ANKRD30B: variants seen among roughly 807,000 people sequenced by gnomAD.
ANKRD30B encodes ankyrin repeat domain-containing protein 30B.
A neutral mutation model predicts 202.2 loss-of-function variants in ANKRD30B; 144 were observed. The observed-to-expected ratio is 0.71, with a 90% CI of 0.62 to 0.82. ANKRD30B has a LOEUF of 0.82. Ranked by LOEUF, ANKRD30B falls within the 40% of genes least tolerant of loss-of-function variation. The pLI is 0.00. For synonymous variants in ANKRD30B, 508 were observed against 561.3 expected (o/e 0.91, Z 1.34); for missense variants, 1,487 against 1,669.1 (o/e 0.89, Z 1.90).
chr18:14,808,359 T>G (rs757034231), intron 24 of ANKRD30B, 192 bp from the exon 25 acceptor site: 1 of 636,368 alleles, frequency 1.6e-6, no homozygotes, highest in Admixed American at 2.2e-5. Flanking sequence ...ATTTATTTTT[T>G]AAATTTTCTT....
At chr18:14,837,098 TTTG>T (rs1018782356) in intron 34 of ANKRD30B, 110 bp from the exon 35 acceptor site, 91 of 655,836 alleles carry the variant, frequency 1.4e-4, no homozygotes, top group Middle Eastern at 2.7e-4. Context: ...AAGTATGTTT[TTTG>T]TTGTTGTTGT....
chr18:14,777,490 G>C (rs766545865), intron 9 of ANKRD30B, among the ~76,000 whole-genome samples: 1 of 151,504 alleles, frequency 6.6e-6, no homozygotes, highest in African/African-American at 2.4e-5. Flanking sequence ...TAGAGACGGG[G>C]TTTCACCAAG....
chr18:14,924,590 G>A, the ANKRD30B span, among the ~76,000 whole-genome samples: 7 of 152,342 alleles, frequency 4.6e-5, no homozygotes, highest in East Asian at 1.9e-4. Context: ...CAGCAGAGCC[G>A]GGGAGCACAC....
chr18:14,778,181 A>C, intron 10 of ANKRD30B, 106 bp downstream of exon 10: 1 of 718,474 alleles, frequency 1.4e-6, no homozygotes, highest in Non-Finnish European at 2.4e-6. Context: ...TTAAATGCAT[A>C]ACACGGAAGA....
chr18:14,820,224 C>T (rs1191875705), intron 30 of ANKRD30B, among the ~76,000 whole-genome samples: 1 of 152,280 alleles, frequency 6.6e-6, no homozygotes, highest in African/African-American at 2.4e-5. Flanking sequence ...TATCCTGAGA[C>T]TTTGCTGAAT....
the ANKRD30B span, among the ~76,000 whole-genome samples, chr18:14,932,211 G>T: frequency 6.6e-6 from 1 of 151,694 alleles, no homozygotes; most frequent in Admixed American, 6.6e-5. Flanking sequence ...GAGGTGGGGT[G>T]GGGGGCTCCT....
chr18:14,785,423 A>T (rs1483555525), intron 14 of ANKRD30B, among the ~76,000 whole-genome samples: 1 of 152,254 alleles, frequency 6.6e-6, no homozygotes, highest in African/African-American at 2.4e-5. Context: ...TGACAGTAGC[A>T]TAGTTAATTG....
chr18:14,796,811 G>A (rs2143969226), intron 18 of ANKRD30B, among the ~76,000 whole-genome samples: 1 of 151,220 alleles, frequency 6.6e-6, no homozygotes, highest in Non-Finnish European at 1.5e-5. Context: ...TAAGTTTAGT[G>A]AGGGTGGGGG....
chr18:14,820,457 G>T (rs965679087), intron 30 of ANKRD30B, among the ~76,000 whole-genome samples: 1 of 152,268 alleles, frequency 6.6e-6, no homozygotes, highest in Non-Finnish European at 1.5e-5. Flanking sequence ...CAAAGGGAAT[G>T]CTTCCAGTTT....
chr18:14,906,943 TA>T, the ANKRD30B span, among the ~76,000 whole-genome samples: 6 of 151,990 alleles, frequency 3.9e-5, no homozygotes, highest in Admixed American at 3.9e-4. Context: ...GTCCAGGTTA[TA>T]GGTAGATTCA....
the ANKRD30B span, among the ~76,000 whole-genome samples, chr18:14,920,961 A>G: frequency 6.6e-6 from 1 of 152,274 alleles, no homozygotes; most frequent in Admixed American, 6.5e-5. Flanking sequence ...ATGTTGTGTG[A>G]TTGCTGATTA....
rs959392731 is a variant in ANKRD30B, at chr18:14,854,573, A to G, written c.*415A>G. ...CAATGGACTGCAGAGTGTCATACAT[A>G]GTTTTCAGTAAAATACTGGACAATA... On this transcript the variant is annotated 3_prime_UTR_variant, in exon 44 of 44. Transcript: ENST00000690538. 6.6e-5 allele frequency among the ~76,000 whole-genome samples: 10 copies of G among 152,312 alleles called. No individual in the cohort carries two copies. Among genetic ancestry groups the G allele is most frequent in the Admixed American group, 6.5e-4 (10 of 15,302 alleles).
chr18:14,749,016 G>C (rs1185088919), intron 1 of ANKRD30B, among the ~76,000 whole-genome samples: 1 of 152,216 alleles, frequency 6.6e-6, no homozygotes, highest in Admixed American at 6.5e-5. Flanking sequence ...GATAATGTTA[G>C]ATACACTATG....
At chr18:14,808,231 T>C (rs1969650447) in intron 24 of ANKRD30B, 2 of 348,652 alleles carry the variant, frequency 5.7e-6, no homozygotes, top group South Asian at 5.0e-5. Flanking sequence ...TCTTAATAAA[T>C]TCAACTTCTT....
the ANKRD30B span, among the ~76,000 whole-genome samples, chr18:14,900,368 C>T: frequency 7.9e-5 from 12 of 152,240 alleles, no homozygotes; most frequent in South Asian, 2.5e-3. Context: ...TTTATCATTG[C>T]ATCTGTGCTT....
the ANKRD30B span, among the ~76,000 whole-genome samples, chr18:14,900,070 T>C: frequency 4.9e-4 from 75 of 152,164 alleles, 1 homozygote; most frequent in South Asian, 0.014. Context: ...TTTTAAAAAA[T>C]ATTAAGTTGA....
In ANKRD30B at chr18:14,754,947, A is replaced by G. The variant is rs1181290993; in HGVS notation, c.559A>G (p.Thr187Ala). ...LLAIQKRSKQ[T>A]VEFLLTKNAN... ...GGCCATACAGAAAAGAAGCAAGCAA[A>G]CTGTGGAATTTTTACTAACAAAAAA... The change falls in exon 4 of 44, where the codon ACT (threonine) becomes GCT (alanine). Residue 187 changes from threonine to alanine, a missense_variant. By Grantham distance (58) the Thr-to-Ala change is moderately conservative (BLOSUM62 0). Around this residue, in one of 6 missense-constraint regions of ANKRD30B, gnomAD observed 889 missense variants for 841.4 expected, o/e 1.06. Transcript: ENST00000690538. 5 of 1,560,644 alleles carry G rather than the reference A, an allele frequency of 3.2e-6. No individual in the cohort carries two copies. The highest frequency in any genetic ancestry group is 4.7e-5 in the East Asian group (2 of 42,130).
At chr18:14,758,753 T>C (rs1914779657) in intron 5 of ANKRD30B, among the ~76,000 whole-genome samples, 1 of 152,204 alleles carries the variant, frequency 6.6e-6, no homozygotes, top group Non-Finnish European at 1.5e-5. Context: ...AGTGACTTTT[T>C]CTATTTTCTC....
At chr18:14,824,597 G>A (rs745869215) in intron 32 of ANKRD30B, among the ~76,000 whole-genome samples, 1 of 152,164 alleles carries the variant, frequency 6.6e-6, no homozygotes, top group African/African-American at 2.4e-5. Context: ...TAATAAATAT[G>A]TAAATAAACT....
Sources: gnomAD v4.1 joint callset for allele counts (sites outside exome capture counted in the v4.1 genomes callset) on GRCh38, gnomAD v4.1.1 for gene constraint, gnomAD v4.1.1 regional missense constraint, MANE v1.5 for transcripts, NCBI Gene and HGNC (gene_info 2026-07-23, HGNC 2026-07-21) for gene names.